Variants in BICRA observed in about 807,000 individuals in gnomAD.
BICRA encodes the protein BRD4-interacting chromatin-remodeling complex-associated protein.
In BICRA, 31 loss-of-function variants were observed where a neutral mutation model predicts 96.9. That is an observed-to-expected ratio of 0.32 (90% CI 0.24 to 0.43). The LOEUF is 0.43. Ranked by LOEUF, BICRA falls within the 20% of genes least tolerant of loss-of-function variation. The pLI is 1.00. For missense variants in BICRA, 2,283 were observed against 2,190.3 expected, an observed-to-expected ratio of 1.04 and a Z score of -0.84; for synonymous variants, 1,350 against 1,071.8, an observed-to-expected ratio of 1.26 and a Z score of -5.07.
chr19:47,618,139 G>C (rs895169607), intron 1 of BICRA, among the ~76,000 whole-genome samples: 1 of 152,182 alleles, frequency 6.6e-6, no homozygotes, highest in Non-Finnish European at 1.5e-5. Flanking sequence ...GGTCACACCT[G>C]GGTGCATGCA....
At chr19:47,678,316 A>G (rs1972971114) in intron 5 of BICRA, among the ~76,000 whole-genome samples, 1 of 152,074 alleles carries the variant, frequency 6.6e-6, no homozygotes, top group African/African-American at 2.4e-5. Context: ...GTGTTTCACC[A>G]TGTTGGTCAG....
At chr19:47,666,874 C>T (rs1972786874) in intron 1 of BICRA, among the ~76,000 whole-genome samples, 1 of 152,028 alleles carries the variant, frequency 6.6e-6, no homozygotes, top group African/African-American at 2.4e-5. Context: ...ACCATGCCTC[C>T]CTCCTTTTTA....
At chr19:47,667,537 A>C (rs550326173) in intron 1 of BICRA, among the ~76,000 whole-genome samples, 20 of 152,222 alleles carry the variant, frequency 1.3e-4, no homozygotes, top group African/African-American at 4.8e-4. Context: ...AACAGACGTG[A>C]ACCCTTCATC....
intron 1 of BICRA, among the ~76,000 whole-genome samples, chr19:47,625,298 CTTT>C (rs577643609): frequency 2.2e-5 from 3 of 136,236 alleles, no homozygotes; most frequent in Admixed American, 1.5e-4. Flanking sequence ...CCAACCTGGC[CTTT>C]TTTTTTTTTT....
In BICRA at chr19:47,698,544, C is replaced by T. The variant is rs1973384417; in HGVS notation, c.3249-90C>T. ...TTCCCGCTGTTGTGTTCAGTTGCGG[C>T]CTGGGGCTGAGGGTTCAGGGACTTC... On this transcript the variant is annotated intron_variant, in intron 11 of 14. Transcript: ENST00000594866. This position sits in a 1 kb window ranked among gnomAD's most constrained non-coding sequence, Gnocchi z 4.8. The T allele has an allele frequency of 1.4e-6, 1 of 706,432 alleles. No individual in the cohort carries two copies. The highest frequency in any genetic ancestry group is 2.6e-6 in the Non-Finnish European group (1 of 382,466). The allele number at this position is 706,432 out of a possible 1,614,324, so 43.8% of individuals were successfully genotyped here.
chr19:47,661,397 G>A (rs1972702879), intron 1 of BICRA, among the ~76,000 whole-genome samples: 1 of 152,042 alleles, frequency 6.6e-6, no homozygotes, highest in African/African-American at 2.4e-5. Context: ...GGTTGGACTC[G>A]TAGTTGGGGC....
chr19:47,617,360 A>G (rs951942379), intron 1 of BICRA, among the ~76,000 whole-genome samples: 1 of 145,152 alleles, frequency 6.9e-6, no homozygotes, highest in Non-Finnish European at 1.5e-5. Context: ...TTGTTATTTT[A>G]ACTTATATTT....
In BICRA at chr19:47,641,070, ATT is replaced by A. The variant is rs71180861; in HGVS notation, c.-107-29351_-107-29350del. ...CACCCACCACCACCATGCCTGGCTA[ATT>A]TTTTTTTTTTTTTTTTTTTTTGTAT... On this transcript the variant is annotated intron_variant, in intron 1 of 14. Transcript: ENST00000594866. Among the ~76,000 whole-genome samples, 637 of 104,492 alleles carry A rather than the reference ATT, an allele frequency of 6.1e-3. 2 individuals carry two copies. The highest frequency in any genetic ancestry group is 0.021 in the African/African-American group (537 of 25,656). The allele number at this position is 104,492 out of a possible 152,430, so 68.6% of individuals were successfully genotyped here. A position where few individuals can be genotyped will look rare whatever the true frequency, so the allele number is the denominator to read the frequency against.
intron 2 of BICRA, among the ~76,000 whole-genome samples, chr19:47,672,511 G>A (rs1260003764): frequency 1.3e-5 from 2 of 151,750 alleles, no homozygotes; most frequent in East Asian, 3.9e-4. Context: ...TGGAGGGAGG[G>A]TTGGCTAGTT....
rs1195866019 is a variant in BICRA, at chr19:47,702,718, G to A, written c.*303G>A. The A allele has an allele frequency of 4.7e-6, 2 of 426,314 alleles. No individual in the cohort carries two copies. The highest frequency in any genetic ancestry group is 8.3e-6 in the Non-Finnish European group (2 of 241,430). The allele number at this position is 426,314 out of a possible 1,614,324, so 26.4% of individuals were successfully genotyped here. A position where few individuals can be genotyped will look rare whatever the true frequency, so the allele number is the denominator to read the frequency against. On this transcript the variant is annotated 3_prime_UTR_variant, in exon 15 of 15. Transcript: ENST00000594866. The stretch of plus-strand genomic sequence containing the variant: ...GCACACTCTGCCCCTCTGTCCGGGG[G>A]ACACGCGCATGTGTTTGCCAGGGAT...
intron 1 of BICRA, among the ~76,000 whole-genome samples, chr19:47,614,017 A>G (rs890213162): frequency 1.3e-5 from 2 of 151,920 alleles, no homozygotes; most frequent in African/African-American, 4.8e-5. Flanking sequence ...ACTGTGTGAC[A>G]GGGCCCTGGG....
chr19:47,641,643 A>C (rs1972387257), intron 1 of BICRA, among the ~76,000 whole-genome samples: 1 of 152,186 alleles, frequency 6.6e-6, no homozygotes, highest in Non-Finnish European at 1.5e-5. Flanking sequence ...CATTTCAAAA[A>C]ATATAAAATA....
intron 1 of BICRA, among the ~76,000 whole-genome samples, chr19:47,636,394 AT>A (rs544792453): frequency 3.4e-4 from 51 of 152,214 alleles, no homozygotes; most frequent in African/African-American, 1.2e-3. Context: ...TTTTCTGTAG[AT>A]TTGGGATCTT....
chr19:47,686,543 C>T (rs1973162113), intron 7 of BICRA, among the ~76,000 whole-genome samples: 1 of 152,056 alleles, frequency 6.6e-6, no homozygotes, highest in East Asian at 1.9e-4. Flanking sequence ...CCCACCATGC[C>T]AAGCTGATTT....
chr19:47,694,301 C>T lies in BICRA; in HGVS notation c.2470C>T (p.Pro824Ser). The change falls in exon 8 of 15, where the codon CCA (proline) becomes TCA (serine). Residue 824 changes from proline (P) to serine (S), a missense_variant. Physicochemically the swap from Pro to Ser is moderately conservative, Grantham distance 74. Coordinates refer to ENST00000594866, the MANE Select transcript of BICRA (RefSeq NM_001394372.1). ...PSEPPLHPCP[P>S]PQAPPTLPGI... Reference sequence around the variant, plus strand: ...AGAGCCACCCTTGCACCCTTGCCCCCCACCCCAGGCCCCCCCAACTCTGCC... The same window carrying T: ...AGAGCCACCCTTGCACCCTTGCCCCTCACCCCAGGCCCCCCCAACTCTGCC... 1.1e-6 allele frequency: 1 copy of T among 892,230 alleles called. No individual in the cohort carries two copies. The highest frequency in any genetic ancestry group is 1.7e-6 in the Non-Finnish European group (1 of 571,682). 55.3% of individuals were successfully genotyped at this position (892,230 alleles called of 1,614,324 possible).
At position 47,675,777 on chromosome 19, in the gene BICRA, A is replaced by T; in HGVS notation, c.85-74A>T. Reference sequence around the variant, plus strand: ...TTGTCTTTTTGTCCTGAGTGACCCTAAATTGGTTTCTGCTCCAGAGCATGG... The same window carrying T: ...TTGTCTTTTTGTCCTGAGTGACCCTTAATTGGTTTCTGCTCCAGAGCATGG... On this transcript the variant is annotated intron_variant, in intron 4 of 14. Coordinates refer to ENST00000594866, the MANE Select transcript of BICRA (RefSeq NM_001394372.1). The surrounding 1 kb of genome is among the most constrained non-coding windows in gnomAD (Gnocchi z 4.7). 1 of 1,125,690 alleles carries T rather than the reference A, an allele frequency of 8.9e-7. No individual in the cohort carries two copies. Among genetic ancestry groups the T allele is most frequent in the Non-Finnish European group, 1.3e-6 (1 of 754,306 alleles). The allele number at this position is 1,125,690 out of a possible 1,614,324, so 69.7% of individuals were successfully genotyped here.
Position 47,702,937 on chromosome 19 carries a change from C to A in BICRA, c.*522C>A. ...CCTCCCAGCGTGCTGTGCCCGCAGG[C>A]ACCCGTGTGACATCCGCACGTCCAG... is the stretch of plus-strand genomic sequence containing the variant. On this transcript the variant is annotated 3_prime_UTR_variant, in exon 15 of 15. Transcript: ENST00000594866. 1 of 176,880 alleles carries A rather than the reference C, an allele frequency of 5.7e-6. No homozygotes were observed. 11.0% of individuals were successfully genotyped at this position (176,880 alleles called of 1,614,324 possible).
At chr19:47,666,778 G>T (rs1275106975) in intron 1 of BICRA, among the ~76,000 whole-genome samples, 1 of 151,848 alleles carries the variant, frequency 6.6e-6, no homozygotes, top group Non-Finnish European at 1.5e-5. Flanking sequence ...TTGCTGTGTT[G>T]CCTAGGCTGG....
intron 1 of BICRA, among the ~76,000 whole-genome samples, chr19:47,666,341 G>A (rs781654986): frequency 1.9e-4 from 28 of 150,790 alleles, no homozygotes; most frequent in Admixed American, 5.9e-4. Flanking sequence ...GTGCAGTGGC[G>A]CAATCTCAGC....
Sources: gnomAD v4.1 joint callset for allele counts (sites outside exome capture counted in the v4.1 genomes callset) on GRCh38, gnomAD v4.1.1 for gene constraint, Gnocchi (gnomAD v3.1) non-coding constraint, MANE v1.5 for transcripts, NCBI Gene and HGNC (gene_info 2026-07-23, HGNC 2026-07-21) for gene names.